The following EPHA6 variants were observed in gnomAD, a reference collection of about 807,000 sequenced individuals.
EPHA6 encodes ephrin type-A receptor 6.
In EPHA6, 50 loss-of-function variants were observed where a neutral mutation model predicts 112.0. The ratio of observed to expected loss-of-function variants is 0.45; its 90% CI spans 0.36 to 0.56. EPHA6 has a LOEUF of 0.56. Among genes scored for constraint, EPHA6 ranks in the 20% least tolerant of loss-of-function variants. EPHA6 has a pLI of 0.00. For missense variants in EPHA6, 1,280 were observed against 1,417.4 expected, an observed-to-expected ratio of 0.90 and a Z score of 1.56; for synonymous variants, 529 against 490.7, an observed-to-expected ratio of 1.08 and a Z score of -1.03.
intron 3 of EPHA6, among the ~76,000 whole-genome samples, chr3:97,007,638 T>A (rs1365501472): frequency 6.6e-6 from 1 of 152,216 alleles, no homozygotes; most frequent in East Asian, 1.9e-4. Context: ...AATTTGATCC[T>A]GTCATCATGA....
chr3:97,669,823 C>T (rs1292793161), intron 14 of EPHA6, among the ~76,000 whole-genome samples: 1 of 152,094 alleles, frequency 6.6e-6, no homozygotes, highest in African/African-American at 2.4e-5. Context: ...CATTGTGGAA[C>T]CTTCATAAAT....
intron 3 of EPHA6, among the ~76,000 whole-genome samples, chr3:97,028,641 G>T (rs904073251): frequency 6.6e-6 from 1 of 151,966 alleles, no homozygotes; most frequent in African/African-American, 2.4e-5. Flanking sequence ...AAAAGTAATG[G>T]TGATGATTTT....
At chr3:97,437,594 A>C (rs560307339) in intron 6 of EPHA6, among the ~76,000 whole-genome samples, 3 of 152,284 alleles carry the variant, frequency 2.0e-5, no homozygotes, top group African/African-American at 7.2e-5. Flanking sequence ...CTTGACCTAA[A>C]CTACTGACAT....
chr3:97,577,159 G>T (rs2093394701), intron 11 of EPHA6, among the ~76,000 whole-genome samples: 1 of 152,128 alleles, frequency 6.6e-6, no homozygotes, highest in Non-Finnish European at 1.5e-5. Flanking sequence ...ACAGCTGAAA[G>T]CCACTGCATC....
chr3:97,720,630 A>G (rs1170614193), intron 15 of EPHA6, among the ~76,000 whole-genome samples: 4 of 152,196 alleles, frequency 2.6e-5, no homozygotes, highest in South Asian at 4.1e-4. Context: ...TGCCTGATGC[A>G]CATGTTACAT....
chr3:97,092,602 G>T, intron 3 of EPHA6, among the ~76,000 whole-genome samples: 1 of 151,980 alleles, frequency 6.6e-6, no homozygotes, highest in South Asian at 2.1e-4. Context: ...ATAATTTGAT[G>T]AGTTACTAGC....
chr3:97,108,843 T>C (rs2047641552), intron 3 of EPHA6, among the ~76,000 whole-genome samples: 1 of 152,204 alleles, frequency 6.6e-6, no homozygotes, highest in Non-Finnish European at 1.5e-5. Flanking sequence ...TGTGTTCTAA[T>C]GATTATAGTT....
At chr3:97,498,954 A>C (rs1036591446) in intron 10 of EPHA6, among the ~76,000 whole-genome samples, 1 of 152,246 alleles carries the variant, frequency 6.6e-6, no homozygotes, top group Admixed American at 6.5e-5. Context: ...TGCACTTTGC[A>C]AAAGCAATAA....
intron 12 of EPHA6, among the ~76,000 whole-genome samples, chr3:97,607,056 C>G (rs2093685141): frequency 6.6e-6 from 1 of 150,776 alleles, no homozygotes; most frequent in Non-Finnish European, 1.5e-5. Flanking sequence ...TTTGATTCTT[C>G]ATTTTACTGA....
At chr3:97,391,986 A>C (rs2109065432) in intron 5 of EPHA6, among the ~76,000 whole-genome samples, 1 of 151,930 alleles carries the variant, frequency 6.6e-6, no homozygotes, top group East Asian at 1.9e-4. Context: ...AAAATTTATA[A>C]GTCTAATTTT....
At chr3:97,646,587 T>TATCA (rs1044433559) in intron 14 of EPHA6, among the ~76,000 whole-genome samples, 3 of 152,098 alleles carry the variant, frequency 2.0e-5, no homozygotes, top group African/African-American at 7.2e-5. Context: ...CTTCGCTAAT[T>TATCA]ATCAGTCCCA....
At chr3:96,865,000 G>A (rs564263560) in intron 1 of EPHA6, among the ~76,000 whole-genome samples, 10 of 152,044 alleles carry the variant, frequency 6.6e-5, no homozygotes, top group Non-Finnish European at 1.5e-4. Context: ...TAGTGGGGAA[G>A]TAGGTAAAAA....
intron 1 of EPHA6, among the ~76,000 whole-genome samples, chr3:96,861,851 G>T (rs2036027033): frequency 6.6e-6 from 1 of 151,918 alleles, no homozygotes; most frequent in African/African-American, 2.4e-5. Flanking sequence ...CTCTTTAGAA[G>T]ATTTTATCTT....
At chr3:97,252,446 G>C (rs28726100) in intron 5 of EPHA6, among the ~76,000 whole-genome samples, 31,353 of 151,998 alleles carry the variant, frequency 0.21, 7,946 homozygotes, top group African/African-American at 0.58. Flanking sequence ...CGCACGCACA[G>C]GCACACCCAC....
intron 10 of EPHA6, among the ~76,000 whole-genome samples, chr3:97,488,414 C>T (rs566032964): frequency 6.6e-6 from 1 of 152,202 alleles, no homozygotes; most frequent in East Asian, 1.9e-4. Flanking sequence ...TCTGTTATTC[C>T]GTCTTGTTTG....
intron 3 of EPHA6, among the ~76,000 whole-genome samples, chr3:97,008,391 C>T (rs1431896859): frequency 6.6e-6 from 1 of 152,074 alleles, no homozygotes; most frequent in Admixed American, 6.6e-5. Flanking sequence ...TCCGCTGGGT[C>T]GATTTGGCTG....
chr3:97,087,001 A>G (rs2046924699), intron 3 of EPHA6, among the ~76,000 whole-genome samples: 1 of 152,192 alleles, frequency 6.6e-6, no homozygotes, highest in Non-Finnish European at 1.5e-5. Flanking sequence ...TCAGATGGAA[A>G]AACACGTAAG....
At chr3:97,262,656 C>T (rs934527715) in intron 5 of EPHA6, among the ~76,000 whole-genome samples, 3 of 152,128 alleles carry the variant, frequency 2.0e-5, no homozygotes, top group Admixed American at 1.3e-4. Flanking sequence ...ATAAACATTC[C>T]ATGGCCATTT....
At chr3:96,981,065 T>A (rs999345071) in intron 2 of EPHA6, among the ~76,000 whole-genome samples, 1 of 152,200 alleles carries the variant, frequency 6.6e-6, no homozygotes, top group African/African-American at 2.4e-5. Context: ...CTAATTGCCC[T>A]GGCCAGAACT....
Sources: allele counts gnomAD v4.1 joint callset (sites outside exome capture counted in the v4.1 genomes callset), GRCh38; gene constraint gnomAD v4.1.1; transcripts MANE v1.5; gene names NCBI Gene and HGNC (gene_info 2026-07-23, HGNC 2026-07-21).